Variants in DUSP10 observed in about 807,000 individuals in gnomAD.
The protein encoded by DUSP10 is dual specificity phosphatase 10.
Under a neutral mutation model 30.8 loss-of-function variants are expected in DUSP10, and 14 were observed. The ratio of observed to expected loss-of-function variants is 0.46; its 90% CI spans 0.30 to 0.71. The LOEUF is 0.71. DUSP10 is among the 30% of genes least tolerant of loss of function. The pLI is 0.08. For missense variants in DUSP10, 550 were observed against 619.4 expected (o/e 0.89, Z 1.19); for synonymous variants, 254 against 250.4 (o/e 1.01, Z -0.14).
chr1:221,738,564 C>A lies in DUSP10; in HGVS notation c.811+370G>T, dbSNP rs1056013665. On this transcript the variant is annotated intron_variant, in intron 2 of 3. Coordinates refer to ENST00000366899, the MANE Select transcript of DUSP10 (RefSeq NM_007207.6). ...ATCAACATTGGTTAAGTCTGAGAGA[C>A]AATAACTTTCCAACTAGTGATTGAT... 6.6e-5 allele frequency among the ~76,000 whole-genome samples: 10 copies of A among 152,300 alleles called. No homozygotes were observed. The South Asian group carries it at 1.5e-3, about 22-fold the overall frequency.
At position 221,709,793 on chromosome 1, in the gene DUSP10, T is replaced by A. The variant is rs562357994; in HGVS notation, c.812-3327A>T. ...AGGGGAGGGGGAAGAGTAAAGCTAA[T>A]CTGGTTTTTCTTTTCCAGTTACTTT... On this transcript the variant is annotated intron_variant, in intron 2 of 3. Coordinates refer to ENST00000366899, the MANE Select transcript of DUSP10 (RefSeq NM_007207.6). 2.0e-5 allele frequency among the ~76,000 whole-genome samples: 3 copies of A among 152,318 alleles called. No individual in the cohort carries two copies. The South Asian group carries it at 6.2e-4, about 32-fold the overall frequency.
Position 221,739,440 on chromosome 1 carries a change from G to A in DUSP10, c.305C>T (p.Thr102Ile). The A allele has an allele frequency of 1.9e-6, 3 of 1,614,200 alleles. No individual in the cohort carries two copies. The highest frequency in any genetic ancestry group is 2.5e-6 in the Non-Finnish European group (3 of 1,180,038). Residue 102 changes from threonine (T) to isoleucine (I), a missense_variant, in exon 2 of 4, where the codon ACC becomes ATC. Physicochemically the swap from Thr to Ile is moderately conservative, Grantham distance 89. Coordinates refer to ENST00000366899, the MANE Select transcript of DUSP10 (RefSeq NM_007207.6). Reference sequence around the variant, plus strand: ...GGTAGAGGTTCCGATGGCAGTGGTGGTGGTGCCAGCGGCAATGGCTTGGGT... The same window carrying A: ...GGTAGAGGTTCCGATGGCAGTGGTGATGGTGCCAGCGGCAATGGCTTGGGT... ...AQTQAIAAGT[T>I]TTAIGTSTTC...
intron 2 of DUSP10, among the ~76,000 whole-genome samples, chr1:221,718,051 C>T (rs934356182): frequency 5.0e-5 from 7 of 139,498 alleles, no homozygotes; most frequent in African/African-American, 1.9e-4. Flanking sequence ...AACTTGGTGT[C>T]ATACCTTAAA....
chr1:221,719,163 T>C (rs984520238), intron 2 of DUSP10, among the ~76,000 whole-genome samples: 2 of 152,184 alleles, frequency 1.3e-5, no homozygotes, highest in African/African-American at 4.8e-5. Flanking sequence ...CAGGAAGTGG[T>C]AGGGGAAAGG....
chr1:221,705,759 G>A (rs1198410710), intron 3 of DUSP10, among the ~76,000 whole-genome samples: 3 of 152,188 alleles, frequency 2.0e-5, no homozygotes, highest in Admixed American at 6.5e-5. Context: ...TCTGACCTCC[G>A]ATTCCTTACT....
chr1:221,721,341 A>G (rs531328866), intron 2 of DUSP10, among the ~76,000 whole-genome samples: 1 of 152,308 alleles, frequency 6.6e-6, no homozygotes, highest in African/African-American at 2.4e-5. Flanking sequence ...CCCCAAAGAG[A>G]AATCTAATGA....
intron 2 of DUSP10, among the ~76,000 whole-genome samples, chr1:221,735,509 A>G (rs2102652097): frequency 6.6e-6 from 1 of 152,362 alleles, no homozygotes; most frequent in Non-Finnish European, 1.5e-5. Context: ...ATTAATTTAC[A>G]CATTAAACAT....
chr1:221,710,386 T>C (rs562378127), intron 2 of DUSP10, among the ~76,000 whole-genome samples: 3 of 152,286 alleles, frequency 2.0e-5, no homozygotes, highest in Admixed American at 2.0e-4. Flanking sequence ...TTTCCCTGTA[T>C]ACAAAACAGG....
intron 2 of DUSP10, among the ~76,000 whole-genome samples, chr1:221,720,091 G>A (rs1661232130): frequency 1.3e-5 from 2 of 152,238 alleles, no homozygotes; most frequent in South Asian, 4.1e-4. Context: ...CTGTGATACT[G>A]TGATATGAAA....
chr1:221,718,089 A>AATGGGGGTGGCAGGGTG (rs1314091275), intron 2 of DUSP10, among the ~76,000 whole-genome samples: 1 of 55,576 alleles, frequency 1.8e-5, no homozygotes, highest in African/African-American at 7.1e-5. Context: ...CCAAGGTCAG[A>AATGGGGGTGGCAGGGTG]ATGGGGGTGG....
chr1:221,710,912 A>G, intron 2 of DUSP10, among the ~76,000 whole-genome samples: 1 of 151,926 alleles, frequency 6.6e-6, no homozygotes, highest in East Asian at 1.9e-4. Flanking sequence ...TATTGTAGCC[A>G]TGAGCAACAA....
intron 2 of DUSP10, among the ~76,000 whole-genome samples, chr1:221,727,107 A>C (rs1030413121): frequency 2.0e-5 from 3 of 152,210 alleles, no homozygotes; most frequent in South Asian, 4.1e-4. Flanking sequence ...ATAATTGGCA[A>C]AATCAGAATT....
chr1:221,709,193 T>C (rs920588793), intron 2 of DUSP10, among the ~76,000 whole-genome samples: 3 of 152,182 alleles, frequency 2.0e-5, no homozygotes, highest in African/African-American at 7.2e-5. Context: ...TATCAGCTCT[T>C]TGAGTGCAAA....
chr1:221,741,344 TGA>T (rs1435176496), intron 1 of DUSP10, among the ~76,000 whole-genome samples: 1 of 152,202 alleles, frequency 6.6e-6, no homozygotes, highest in African/African-American at 2.4e-5. Flanking sequence ...CCATTTCTTC[TGA>T]GAGGGACGCA....
intron 2 of DUSP10, among the ~76,000 whole-genome samples, chr1:221,709,679 G>A (rs548612643): frequency 6.6e-6 from 1 of 152,086 alleles, no homozygotes; most frequent in Non-Finnish European, 1.5e-5. Context: ...AAAACAACGA[G>A]TGGAAGCTCA....
intron 2 of DUSP10, among the ~76,000 whole-genome samples, chr1:221,720,483 C>T (rs1317821483): frequency 6.6e-6 from 1 of 152,264 alleles, no homozygotes; most frequent in African/African-American, 2.4e-5. Flanking sequence ...CTGAGTTCTG[C>T]GAACTGTCCT....
In DUSP10 at chr1:221,702,298, T is replaced by C; in HGVS notation, c.*114A>G. 2 of 1,255,406 alleles carry C rather than the reference T, an allele frequency of 1.6e-6. No individual in the cohort carries two copies. Among genetic ancestry groups the C allele is most frequent in the Non-Finnish European group, 2.2e-6 (2 of 907,052 alleles). 77.8% of individuals were successfully genotyped at this position (1,255,406 alleles called of 1,614,324 possible). ...AGTGTTTAAACAAGTTTGTTTCCAT[T>C]CACAAACTTACTCCCAACTACAAAA... On this transcript the variant is annotated 3_prime_UTR_variant, in exon 4 of 4. Transcript: ENST00000366899. This position sits in a 1 kb window ranked among gnomAD's most constrained non-coding sequence, Gnocchi z 4.5.
intron 3 of DUSP10, among the ~76,000 whole-genome samples, chr1:221,703,764 A>G (rs147613464): frequency 1.3e-5 from 2 of 152,220 alleles, no homozygotes; most frequent in African/African-American, 4.8e-5. Context: ...GCTTCCTTGA[A>G]GGAACACCAA....
chr1:221,702,842 G>A lies in DUSP10; in HGVS notation c.1184-165C>T, dbSNP rs534820428. ...CCACTAGTTCATTACGTATACTTAT[G>A]TCACAACTTCCAGAACTGGCTAAAG... On this transcript the variant is annotated intron_variant, in intron 3 of 3. Transcript: ENST00000366899. The surrounding 1 kb of genome is among the most constrained non-coding windows in gnomAD (Gnocchi z 4.5). Among the ~76,000 whole-genome samples, 5 of 152,324 alleles carry A rather than the reference G, an allele frequency of 3.3e-5. No homozygotes were observed. In the South Asian group the frequency reaches 1.0e-3, roughly 32 times the overall value.
Sources: gnomAD v4.1 joint callset for allele counts (sites outside exome capture counted in the v4.1 genomes callset) on GRCh38, gnomAD v4.1.1 for gene constraint, Gnocchi (gnomAD v3.1) non-coding constraint, MANE v1.5 for transcripts, NCBI Gene and HGNC (gene_info 2026-07-23, HGNC 2026-07-21) for gene names.